NEGR1: variants seen among roughly 807,000 people sequenced by gnomAD.
NEGR1 encodes IgLON family member 4.
In NEGR1, 10 loss-of-function variants were observed where a neutral mutation model predicts 40.9. That is an observed-to-expected ratio of 0.24 (90% CI 0.15 to 0.42). The LOEUF (loss-of-function observed/expected upper bound fraction) is 0.42, where lower values mean the gene tolerates loss of function less well. Among genes scored for constraint, NEGR1 ranks in the 10% least tolerant of loss-of-function variants. The pLI is 1.00. For missense variants in NEGR1, 352 were observed against 438.9 expected (o/e 0.80, Z 1.77); for synonymous variants, 185 against 166.8 (o/e 1.11, Z -0.84).
intron 6 of NEGR1, among the ~76,000 whole-genome samples, chr1:71,580,707 G>T (rs1401664835): frequency 6.6e-6 from 1 of 152,134 alleles, no homozygotes; most frequent in African/African-American, 2.4e-5. Context: ...CCTACCAGGA[G>T]CCAGGCACTT....
chr1:71,519,990 G>A (rs1647143876), intron 6 of NEGR1, among the ~76,000 whole-genome samples: 2 of 152,052 alleles, frequency 1.3e-5, no homozygotes, highest in South Asian at 4.1e-4. Flanking sequence ...ATGATTATTT[G>A]AGGATTATCT....
intron 1 of NEGR1, among the ~76,000 whole-genome samples, chr1:72,137,101 T>A (rs1650497016): frequency 6.6e-6 from 1 of 152,230 alleles, no homozygotes; most frequent in South Asian, 2.1e-4. Context: ...AAACAACAGA[T>A]GCTGGAGAGG....
At chr1:71,604,560 T>G (rs568053429) in intron 5 of NEGR1, among the ~76,000 whole-genome samples, 10 of 152,268 alleles carry the variant, frequency 6.6e-5, no homozygotes, top group African/African-American at 2.4e-4. Flanking sequence ...CTCTTTATTA[T>G]GATTTCTCAA....
rs970204144 is a variant in NEGR1 at position 71,746,759 on chromosome 1, TAC to T, written c.535+29411_535+29412del. On this transcript the variant is annotated intron_variant, in intron 3 of 6. Coordinates refer to ENST00000357731, the MANE Select transcript of NEGR1 (RefSeq NM_173808.3). ...ACACACATGTACACACACACACGCG[TAC>T]ACACACACACGCACACACACACACA... 7.5e-5 allele frequency among the ~76,000 whole-genome samples: 11 copies of T among 147,250 alleles called. No homozygotes were observed. The East Asian group carries it at 1.4e-3, about 19-fold the overall frequency.
intron 3 of NEGR1, among the ~76,000 whole-genome samples, chr1:71,754,118 C>A (rs932034945): frequency 2.0e-5 from 3 of 152,052 alleles, no homozygotes; most frequent in African/African-American, 7.2e-5. Flanking sequence ...CACTGAGGAA[C>A]TTTGTGTTCC....
At chr1:71,458,040 G>T (rs1185768342) in intron 6 of NEGR1, among the ~76,000 whole-genome samples, 1 of 152,110 alleles carries the variant, frequency 6.6e-6, no homozygotes, top group Non-Finnish European at 1.5e-5. Context: ...GCTCAAAGAA[G>T]TTATGTCTCT....
intron 1 of NEGR1, among the ~76,000 whole-genome samples, chr1:72,139,323 TA>T (rs1271451560): frequency 8.1e-5 from 12 of 147,374 alleles, no homozygotes; most frequent in Non-Finnish European, 1.8e-4. Flanking sequence ...TAGAAATCAA[TA>T]AAATAGATAA....
intron 4 of NEGR1, among the ~76,000 whole-genome samples, chr1:71,668,428 A>C (rs1392949431): frequency 6.6e-6 from 1 of 152,198 alleles, no homozygotes; most frequent in Non-Finnish European, 1.5e-5. Context: ...AATGCTTTTT[A>C]GTACAACGAT....
intron 1 of NEGR1, among the ~76,000 whole-genome samples, chr1:71,990,579 A>G (rs1053845303): frequency 2.6e-5 from 4 of 152,150 alleles, no homozygotes; most frequent in East Asian, 3.9e-4. Context: ...TTTGATTTAC[A>G]TAAGTTTGGA....
intron 6 of NEGR1, among the ~76,000 whole-genome samples, chr1:71,561,202 C>T (rs1455115252): frequency 6.6e-6 from 1 of 151,670 alleles, no homozygotes; most frequent in African/African-American, 2.4e-5. Context: ...GTTTGAGAAG[C>T]TTATCATAAA....
intron 2 of NEGR1, among the ~76,000 whole-genome samples, chr1:71,898,819 T>C (rs1013973005): frequency 1.4e-5 from 2 of 147,352 alleles, no homozygotes; most frequent in Admixed American, 6.8e-5. Flanking sequence ...ACATATATTT[T>C]ACATATATAT....
At chr1:71,453,159 A>T (rs555458389) in intron 6 of NEGR1, among the ~76,000 whole-genome samples, 1 of 152,308 alleles carries the variant, frequency 6.6e-6, no homozygotes, top group African/African-American at 2.4e-5. Flanking sequence ...AGAAGCTATT[A>T]TACTTTTAAG....
At chr1:71,422,685 A>G (rs1489276587) in intron 6 of NEGR1, 2 of 152,172 alleles carry the variant, frequency 1.3e-5, no homozygotes, top group African/African-American at 4.8e-5. Flanking sequence ...ATGAAATAAA[A>G]CGTGGAATAT....
At chr1:71,589,900 C>T (rs1649441356) in intron 6 of NEGR1, among the ~76,000 whole-genome samples, 1 of 152,106 alleles carries the variant, frequency 6.6e-6, no homozygotes, top group Non-Finnish European at 1.5e-5. Context: ...CTCATTTCAA[C>T]TCTCTCATCT....
intron 1 of NEGR1, among the ~76,000 whole-genome samples, chr1:72,035,506 A>T (rs1373566213): frequency 2.0e-5 from 3 of 152,172 alleles, no homozygotes; most frequent in African/African-American, 7.2e-5. Flanking sequence ...GCTACTAAAC[A>T]TGGCATTCAG....
At chr1:71,553,090 T>C (rs1279684208) in intron 6 of NEGR1, among the ~76,000 whole-genome samples, 2 of 151,600 alleles carry the variant, frequency 1.3e-5, no homozygotes, top group Non-Finnish European at 3.0e-5. Flanking sequence ...TTCTTTCTTT[T>C]ATCCTTCTAT....
chr1:72,089,079 A>C (rs1199817537), intron 1 of NEGR1, among the ~76,000 whole-genome samples: 1 of 152,168 alleles, frequency 6.6e-6, no homozygotes, highest in African/African-American at 2.4e-5. Context: ...AAAACTGCAA[A>C]TGTTGAATCA....
At chr1:71,467,897 T>G (rs956508374) in intron 6 of NEGR1, among the ~76,000 whole-genome samples, 1 of 152,006 alleles carries the variant, frequency 6.6e-6, no homozygotes, top group African/African-American at 2.4e-5. Flanking sequence ...ATAGAGCACA[T>G]TGTAAATAAT....
At chr1:71,913,738 G>A (rs1661488633) in intron 2 of NEGR1, among the ~76,000 whole-genome samples, 1 of 151,616 alleles carries the variant, frequency 6.6e-6, no homozygotes, top group African/African-American at 2.4e-5. Context: ...AGAATGGATG[G>A]CACATAGACA....
Sources: allele counts gnomAD v4.1 joint callset (sites outside exome capture counted in the v4.1 genomes callset), GRCh38; gene constraint gnomAD v4.1.1; transcripts MANE v1.5; gene names NCBI Gene and HGNC (gene_info 2026-07-23, HGNC 2026-07-21).